The following ARHGAP26 variants were observed in gnomAD, a reference collection of about 807,000 sequenced individuals.
ARHGAP26 encodes the protein Rho GTPase activating protein 26.
Under a neutral mutation model 104.8 loss-of-function variants are expected in ARHGAP26, and 38 were observed. The ratio of observed to expected loss-of-function variants is 0.36; its 90% CI spans 0.28 to 0.48. The LOEUF (loss-of-function observed/expected upper bound fraction) is 0.48. Among genes scored for constraint, ARHGAP26 ranks in the 20% least tolerant of loss-of-function variants. The pLI is 0.99. For missense variants in ARHGAP26, 704 were observed against 947.9 expected (o/e 0.74, Z 3.38); for synonymous variants, 341 against 340.0 (o/e 1.00, Z -0.03).
intron 11 of ARHGAP26, among the ~76,000 whole-genome samples, chr5:142,967,146 T>G (rs830287): frequency 0.38 from 57,920 of 151,984 alleles, 12,319 homozygotes; most frequent in East Asian, 0.78. Context: ...CTTAATGTTC[T>G]TTTAGTGCTG....
intron 11 of ARHGAP26, among the ~76,000 whole-genome samples, chr5:142,987,465 T>C (rs2152745558): frequency 6.6e-6 from 1 of 152,344 alleles, no homozygotes; most frequent in South Asian, 2.1e-4. Context: ...ACTTCCTCTT[T>C]TCCTAATTCA....
At chr5:143,195,438 A>G (rs547134240) in intron 20 of ARHGAP26, among the ~76,000 whole-genome samples, 1 of 152,306 alleles carries the variant, frequency 6.6e-6, no homozygotes, top group African/African-American at 2.4e-5. Flanking sequence ...CAAACAGGAA[A>G]TATTCCCTGA....
At chr5:142,791,923 CAA>C (rs1462005125) in intron 1 of ARHGAP26, among the ~76,000 whole-genome samples, 2 of 86,768 alleles carry the variant, frequency 2.3e-5, no homozygotes, top group Non-Finnish European at 4.1e-5. Context: ...GAGATCACAA[CAA>C]GAGCAAAACC....
chr5:143,173,772 T>TTC (rs1803112370), intron 20 of ARHGAP26, among the ~76,000 whole-genome samples: 1 of 151,998 alleles, frequency 6.6e-6, no homozygotes, highest in African/African-American at 2.4e-5. Flanking sequence ...AGAATTGGAG[T>TTC]TCTGAGTCAT....
intron 17 of ARHGAP26, among the ~76,000 whole-genome samples, chr5:143,069,440 C>T (rs558139308): frequency 6.6e-6 from 1 of 152,258 alleles, no homozygotes; most frequent in African/African-American, 2.4e-5. Context: ...GTCTCAGTTC[C>T]AACTACCTTT....
chr5:142,936,481 A>G (rs1189329221), intron 11 of ARHGAP26, among the ~76,000 whole-genome samples: 3 of 152,234 alleles, frequency 2.0e-5, no homozygotes, highest in African/African-American at 4.8e-5. Context: ...TGCAATTCCT[A>G]TTAGAATCAC....
chr5:143,109,842 C>G (rs893875440), intron 17 of ARHGAP26, among the ~76,000 whole-genome samples: 1 of 152,152 alleles, frequency 6.6e-6, no homozygotes, highest in Non-Finnish European at 1.5e-5. Flanking sequence ...AATACTGTTA[C>G]CCCTCTGATC....
At chr5:143,140,046 T>G (rs977281039) in intron 19 of ARHGAP26, among the ~76,000 whole-genome samples, 8 of 152,244 alleles carry the variant, frequency 5.3e-5, no homozygotes, top group Middle Eastern at 3.2e-3. Flanking sequence ...TTCATAGACT[T>G]GAGTGTGCAT....
chr5:143,061,549 C>G (rs1375191115), intron 17 of ARHGAP26, among the ~76,000 whole-genome samples: 1 of 152,148 alleles, frequency 6.6e-6, no homozygotes, highest in Non-Finnish European at 1.5e-5. Flanking sequence ...GCAACTGTTC[C>G]TTTGTTGCAG....
intron 17 of ARHGAP26, among the ~76,000 whole-genome samples, chr5:143,075,342 A>AT (rs1282027527): frequency 1.3e-5 from 2 of 150,344 alleles, no homozygotes; most frequent in African/African-American, 4.9e-5. Context: ...TATTAAAAAT[A>AT]TGTATAAATT....
chr5:143,031,128 A>C (rs78795251), intron 12 of ARHGAP26, among the ~76,000 whole-genome samples: 2,286 of 152,322 alleles, frequency 0.015, 63 homozygotes, highest in African/African-American at 0.052. Context: ...GGTTAGTTGA[A>C]TGTTCTTGAA....
At chr5:142,855,594 C>T (rs1471264657) in intron 1 of ARHGAP26, among the ~76,000 whole-genome samples, 2 of 152,166 alleles carry the variant, frequency 1.3e-5, no homozygotes, top group South Asian at 2.1e-4. Flanking sequence ...GCTGGCTGCC[C>T]GTTATGTACT....
intron 20 of ARHGAP26, among the ~76,000 whole-genome samples, chr5:143,152,742 G>T: frequency 6.6e-6 from 1 of 152,176 alleles, no homozygotes; most frequent in East Asian, 1.9e-4. Flanking sequence ...TCATTCTCTT[G>T]GAACCCAGTC....
At chr5:142,944,790 G>C (rs896956191) in intron 11 of ARHGAP26, among the ~76,000 whole-genome samples, 6 of 152,176 alleles carry the variant, frequency 3.9e-5, no homozygotes, top group Admixed American at 3.3e-4. Context: ...CTGGCCTTGG[G>C]ATTATACCCA....
intron 17 of ARHGAP26, among the ~76,000 whole-genome samples, chr5:143,082,709 T>A (rs902757186): frequency 1.3e-5 from 2 of 152,270 alleles, no homozygotes; most frequent in Non-Finnish European, 2.9e-5. Context: ...ATTACAGATC[T>A]GAAACCAAGA....
At chr5:142,993,817 T>TTTTTC (rs143838874) in intron 11 of ARHGAP26, among the ~76,000 whole-genome samples, 37 of 149,982 alleles carry the variant, frequency 2.5e-4, no homozygotes, top group East Asian at 9.9e-4. Context: ...AGCTAATTTC[T>TTTTTC]TTTTCTTTTC....
chr5:143,145,084 CT>C (rs1799002336), intron 19 of ARHGAP26, among the ~76,000 whole-genome samples: 1 of 152,182 alleles, frequency 6.6e-6, no homozygotes, highest in Non-Finnish European at 1.5e-5. Context: ...ACTATGAAGC[CT>C]TATGATACAT....
At chr5:142,920,854 T>C (rs1763099780) in intron 10 of ARHGAP26, among the ~76,000 whole-genome samples, 1 of 152,208 alleles carries the variant, frequency 6.6e-6, no homozygotes, top group Non-Finnish European at 1.5e-5. Flanking sequence ...AGGGCCAGAA[T>C]ACTGGGGGGA....
chr5:143,157,747 A>G (rs1800671788), intron 20 of ARHGAP26, among the ~76,000 whole-genome samples: 1 of 152,212 alleles, frequency 6.6e-6, no homozygotes, highest in African/African-American at 2.4e-5. Flanking sequence ...TTGTTTATAT[A>G]TAAGTGTATG....
Sources: allele counts gnomAD v4.1 joint callset (sites outside exome capture counted in the v4.1 genomes callset), GRCh38; gene constraint gnomAD v4.1.1; transcripts MANE v1.5; gene names NCBI Gene and HGNC (gene_info 2026-07-23, HGNC 2026-07-21).